Variants in CDHR3 observed in about 807,000 individuals in gnomAD.
CDHR3 encodes cadherin related family member 3.
In CDHR3, 79 loss-of-function variants were observed where a neutral mutation model predicts 86.6. The observed-to-expected ratio is 0.91, with a 90% CI of 0.76 to 1.10. The LOEUF (loss-of-function observed/expected upper bound fraction) is 1.10, where lower values mean the gene tolerates loss of function less well. CDHR3 is among the 50% of genes least tolerant of loss of function. The pLI is 0.00. For missense variants in CDHR3, 1,081 were observed against 1,077.6 expected (o/e 1.00, Z -0.04); for synonymous variants, 421 against 402.4 (o/e 1.05, Z -0.55).
rs1838847473 is a variant in CDHR3, at chr7:106,035,540, G to A, written c.*2843G>A. Among the ~76,000 whole-genome samples the A allele has an allele frequency of 2.0e-5, 3 of 152,176 alleles. No homozygotes were observed. The highest frequency in any genetic ancestry group is 1.3e-4 in the Admixed American group (2 of 15,284). ...GAGGCAACGAAAGAATGAAAGCAGG[G>A]ATTTATTGAAAACCAAAGTACACTC... On this transcript the variant is annotated 3_prime_UTR_variant, in exon 19 of 19. Transcript: ENST00000317716.
At chr7:105,992,357 G>A (rs546566048) in intron 4 of CDHR3, among the ~76,000 whole-genome samples, 3 of 152,304 alleles carry the variant, frequency 2.0e-5, no homozygotes, top group African/African-American at 4.8e-5. Context: ...ATGGATATGC[G>A]AGGATTCTCT....
chr7:105,992,346 T>A (rs1373504055), intron 4 of CDHR3, among the ~76,000 whole-genome samples: 2 of 152,224 alleles, frequency 1.3e-5, no homozygotes, highest in East Asian at 3.8e-4. Flanking sequence ...GGTGCTGATT[T>A]ATGGATATGC....
intron 14 of CDHR3, among the ~76,000 whole-genome samples, chr7:106,023,342 T>G (rs570372029): frequency 3.9e-4 from 59 of 152,254 alleles, no homozygotes; most frequent in Non-Finnish European, 4.4e-4. Flanking sequence ...GAGGGGGAGA[T>G]AGATTACAAA....
chr7:106,003,644 C>T (rs1026912167), intron 7 of CDHR3, among the ~76,000 whole-genome samples: 28 of 152,148 alleles, frequency 1.8e-4, no homozygotes, highest in African/African-American at 5.8e-4. Context: ...TAACCACTAC[C>T]GGACTGTCCC....
At chr7:106,031,398 T>A (rs777769466) in intron 18 of CDHR3, among the ~76,000 whole-genome samples, 11 of 152,204 alleles carry the variant, frequency 7.2e-5, no homozygotes, top group Non-Finnish European at 4.4e-5. Context: ...GCTCCAAATT[T>A]AGCTCCTTTA....
At chr7:105,976,978 A>ATC (rs1310696976) in intron 2 of CDHR3, among the ~76,000 whole-genome samples, 2 of 133,170 alleles carry the variant, frequency 1.5e-5, no homozygotes, top group Admixed American at 7.9e-5. Flanking sequence ...CACATACCTG[A>ATC]TCTCTTTTTT....
Position 106,022,337 on chromosome 7 carries a change from C to T in CDHR3, c.1965C>T (p.Asp655=). The T allele has an allele frequency of 6.2e-7, 1 of 1,613,986 alleles. No individual in the cohort carries two copies. Among genetic ancestry groups the T allele is most frequent in the African/African-American group, 1.3e-5 (1 of 75,028 alleles). Residue 655 remains aspartate, a synonymous_variant, in exon 14 of 19, where the codon GAC becomes GAT. Coordinates refer to ENST00000317716, the MANE Select transcript of CDHR3 (RefSeq NM_152750.5). ...DYKLLVYVTD[D]NLMSDRKKAE... The stretch of plus-strand genomic sequence containing the variant: ...AGCTACTTGTCTACGTAACTGATGA[C>T]AACTTGATGTCTGACAGGAAGAAAG...
chr7:106,024,470 G>T lies in CDHR3; in HGVS notation c.2166G>T (p.Leu722Phe). The change falls in exon 15 of 19, where the codon TTG becomes TTT. Residue 722 changes from leucine to phenylalanine, a missense_variant. Coordinates refer to ENST00000317716, the MANE Select transcript of CDHR3 (RefSeq NM_152750.5). ...TTGTCATCACTTTGGGCTCCATATTGCTTCTGGGTCTCCTCGTGTACCTGG... is the reference window on the plus strand; with the variant it reads ...TTGTCATCACTTTGGGCTCCATATTTCTTCTGGGTCTCCTCGTGTACCTGG... Reference protein sequence around the residue: ...VPFVITLGSILLLGLLVYLVV... With the variant: ...VPFVITLGSIFLLGLLVYLVV... 1 of 1,613,994 alleles carries T rather than the reference G, an allele frequency of 6.2e-7. No individual in the cohort carries two copies. Among genetic ancestry groups the T allele is most frequent in the Non-Finnish European group, 8.5e-7 (1 of 1,179,888 alleles).
chr7:106,020,072 C>T (rs1160523396), intron 12 of CDHR3, among the ~76,000 whole-genome samples: 1 of 152,106 alleles, frequency 6.6e-6, no homozygotes, highest in Non-Finnish European at 1.5e-5. Context: ...GGTATACATA[C>T]ACTAAATGTG....
chr7:105,993,632 C>T (rs1223782699), intron 4 of CDHR3, among the ~76,000 whole-genome samples: 5 of 130,002 alleles, frequency 3.8e-5, no homozygotes, highest in African/African-American at 8.7e-5. Flanking sequence ...GCCATGATAG[C>T]ACCACTGCAC....
At chr7:105,989,638 T>TA (rs1330963265) in intron 4 of CDHR3, among the ~76,000 whole-genome samples, 2 of 152,100 alleles carry the variant, frequency 1.3e-5, no homozygotes, top group African/African-American at 2.4e-5. Context: ...TTCCTGTGTA[T>TA]AAAGTGGTCA....
intron 4 of CDHR3, among the ~76,000 whole-genome samples, chr7:105,986,049 C>T (rs1017190521): frequency 1.3e-5 from 2 of 152,158 alleles, no homozygotes; most frequent in Admixed American, 6.5e-5. Flanking sequence ...CTGCACCTCC[C>T]GGATTTACCT....
intron 13 of CDHR3, among the ~76,000 whole-genome samples, chr7:106,021,343 C>T (rs558295856): frequency 4.6e-5 from 7 of 152,176 alleles, no homozygotes; most frequent in East Asian, 1.9e-4. Context: ...GGAAGCCTCT[C>T]GAGCTGGCTG....
chr7:106,008,529 C>T (rs1834294997), intron 8 of CDHR3, among the ~76,000 whole-genome samples: 1 of 152,098 alleles, frequency 6.6e-6, no homozygotes, highest in Non-Finnish European at 1.5e-5. Flanking sequence ...CCTAATTCAC[C>T]AGCTGCTTCC....
At chr7:105,969,099 A>T (rs968613679) in intron 1 of CDHR3, among the ~76,000 whole-genome samples, 5 of 146,324 alleles carry the variant, frequency 3.4e-5, no homozygotes, top group Admixed American at 1.4e-4. Flanking sequence ...AAATAAAAAT[A>T]AAAATAAAAA....
rs778233080 is a variant in CDHR3, at chr7:106,026,670, T to C, written c.2259-12T>C. On this transcript the variant is annotated splice_polypyrimidine_tract_variant and intron_variant, in intron 15 of 18. Transcript: ENST00000317716. ...TCAAGTGAATTAATAGCCATTCTTT[T>C]TCCCCCCATAGGACAAAGAAAGGAG... The C allele has an allele frequency of 1.2e-6, 2 of 1,613,682 alleles. No individual in the cohort carries two copies. The highest frequency in any genetic ancestry group is 1.7e-6 in the Non-Finnish European group (2 of 1,179,560).
intron 1 of CDHR3, among the ~76,000 whole-genome samples, chr7:105,967,209 G>T (rs983139905): frequency 1.2e-4 from 19 of 152,194 alleles, no homozygotes; most frequent in Admixed American, 2.6e-4. Flanking sequence ...GCAGTGTTTG[G>T]TTTTTTTGTC....
At chr7:106,020,235 G>C in intron 12 of CDHR3, 138 bp from the exon 13 acceptor site, 1 of 706,642 alleles carries the variant, frequency 1.4e-6, no homozygotes. Context: ...CCATAAAATG[G>C]GAATAATCAT....
At chr7:105,995,539 C>A (rs1232798142) in intron 5 of CDHR3, among the ~76,000 whole-genome samples, 1 of 152,102 alleles carries the variant, frequency 6.6e-6, no homozygotes, top group Non-Finnish European at 1.5e-5. Flanking sequence ...CAGGGTCTGT[C>A]AAGATGGCCT....
Sources: allele counts gnomAD v4.1 joint callset (sites outside exome capture counted in the v4.1 genomes callset), GRCh38; gene constraint gnomAD v4.1.1; transcripts MANE v1.5; gene names NCBI Gene and HGNC (gene_info 2026-07-23, HGNC 2026-07-21).